The following NIBAN1 variants were observed in gnomAD, a reference collection of about 807,000 sequenced individuals.
The protein encoded by NIBAN1 is protein Niban 1.
A neutral mutation model predicts 75.1 loss-of-function variants in NIBAN1; 81 were observed. That is an observed-to-expected ratio of 1.08 (90% CI 0.90 to 1.30). The LOEUF is 1.30. NIBAN1 is among the 50% of genes most tolerant of loss of function. The probability of loss-of-function intolerance (pLI) is 0.00; values close to 1 mark genes in which losing one functional copy is unlikely to be tolerated. For missense variants in NIBAN1, 1,133 were observed against 1,128.1 expected, an observed-to-expected ratio of 1.00 and a Z score of -0.06; for synonymous variants, 436 against 424.8, an observed-to-expected ratio of 1.03 and a Z score of -0.32.
chr1:184,796,008 G>C lies in NIBAN1; in HGVS notation c.1756C>G (p.Leu586Val). 1.2e-6 allele frequency: 2 copies of C among 1,612,774 alleles called. No homozygotes were observed. The highest frequency in any genetic ancestry group is 1.7e-6 in the Non-Finnish European group (2 of 1,179,958). Residue 586 changes from leucine to valine, a missense_variant, in exon 14 of 14, where the codon CTA becomes GTA. Leu to Val is a conservative substitution (Grantham distance 32). Coordinates refer to ENST00000367511, the MANE Select transcript of NIBAN1 (RefSeq NM_052966.4). The stretch of plus-strand genomic sequence containing the variant: ...TGGTTTGACCCTGTGGGGGGCTTTA[G>C]ATCTGTTAAGCTGGACACACTTTCA... ...PSESVSSLTD[L>V]KPPTGSNQAS...
Position 184,828,399 on chromosome 1 carries a change from C to T in NIBAN1, c.717+3448G>A, listed in dbSNP as rs143379138. Among the ~76,000 whole-genome samples, 606 of 152,290 alleles carry T rather than the reference C, an allele frequency of 4.0e-3. 5 individuals carry two copies. The highest frequency in any genetic ancestry group is 0.014 in the African/African-American group (583 of 41,548). On this transcript the variant is annotated intron_variant, in intron 6 of 13. Transcript: ENST00000367511. ...GACAGGAAGAAAAAATGCAAATAAA[C>T]CCAGCACTTTAAACAAAAGATGTCA... is the stretch of plus-strand genomic sequence containing the variant.
chr1:184,899,912 G>T (rs1656904118), intron 1 of NIBAN1, among the ~76,000 whole-genome samples: 1 of 150,160 alleles, frequency 6.7e-6, no homozygotes, highest in Non-Finnish European at 1.5e-5. Flanking sequence ...CACCTCCCGG[G>T]TTCAAGCGAT....
intron 9 of NIBAN1, among the ~76,000 whole-genome samples, chr1:184,815,787 A>G (rs937212769): frequency 7.9e-5 from 12 of 152,284 alleles, no homozygotes; most frequent in Non-Finnish European, 1.3e-4. Context: ...CTTAATCCGC[A>G]TCATGGATTA....
chr1:184,881,875 A>G (rs907965549), intron 5 of NIBAN1, among the ~76,000 whole-genome samples: 2 of 152,120 alleles, frequency 1.3e-5, no homozygotes, highest in African/African-American at 4.8e-5. Context: ...TGTTTTATTA[A>G]CAAGGTGTTT....
At chr1:184,878,138 A>C (rs1352675934) in intron 5 of NIBAN1, among the ~76,000 whole-genome samples, 1 of 152,198 alleles carries the variant, frequency 6.6e-6, no homozygotes, top group African/African-American at 2.4e-5. Context: ...AGTTCTTGGC[A>C]ACACTGCTTT....
intron 1 of NIBAN1, among the ~76,000 whole-genome samples, chr1:184,972,115 T>C (rs1266544243): frequency 6.6e-6 from 1 of 152,218 alleles, no homozygotes; most frequent in Non-Finnish European, 1.5e-5. Flanking sequence ...CAAAATATAT[T>C]GACTAGCTAC....
intron 8 of NIBAN1, among the ~76,000 whole-genome samples, chr1:184,821,923 GC>G (rs1483814322): frequency 6.6e-6 from 1 of 152,090 alleles, no homozygotes; most frequent in African/African-American, 2.4e-5. Flanking sequence ...CCTCCTCTCA[GC>G]AGGACCTGTG....
chr1:184,926,995 G>T (rs1239210831), intron 1 of NIBAN1, among the ~76,000 whole-genome samples: 1 of 152,062 alleles, frequency 6.6e-6, no homozygotes, highest in Non-Finnish European at 1.5e-5. Flanking sequence ...CAGAATTTCT[G>T]CTTAATTCTT....
intron 5 of NIBAN1, among the ~76,000 whole-genome samples, chr1:184,883,588 A>G (rs556468590): frequency 7.9e-5 from 12 of 152,334 alleles, no homozygotes; most frequent in African/African-American, 2.9e-4. Context: ...CTCTTTTACT[A>G]TTGATGTCAC....
intron 5 of NIBAN1, among the ~76,000 whole-genome samples, chr1:184,856,626 C>T (rs776428542): frequency 1.4e-4 from 22 of 152,138 alleles, no homozygotes; most frequent in Non-Finnish European, 1.5e-5. Flanking sequence ...CACTCACTCC[C>T]CTAACACTGG....
chr1:184,797,956 C>G (rs1424418129), intron 13 of NIBAN1, 123 bp downstream of exon 13: 3 of 506,900 alleles, frequency 5.9e-6, no homozygotes, highest in East Asian at 3.1e-5. Context: ...CACTGTCTGT[C>G]TCCCTCCCTC....
At chr1:184,893,046 A>G (rs1248195624) in intron 3 of NIBAN1, among the ~76,000 whole-genome samples, 1 of 152,208 alleles carries the variant, frequency 6.6e-6, no homozygotes, top group African/African-American at 2.4e-5. Context: ...TGCTGGGATT[A>G]CAGGCATGAG....
chr1:184,942,724 T>C (rs370242210), intron 1 of NIBAN1, among the ~76,000 whole-genome samples: 9 of 147,234 alleles, frequency 6.1e-5, no homozygotes, highest in Admixed American at 2.7e-4. Flanking sequence ...AAGAATCAGG[T>C]TCCTCCTGGA....
At chr1:184,973,831 G>C (rs116319712) in intron 1 of NIBAN1, among the ~76,000 whole-genome samples, 1 of 152,224 alleles carries the variant, frequency 6.6e-6, no homozygotes, top group East Asian at 1.9e-4. Flanking sequence ...GCGAAGCTGC[G>C]GCCAACGCCG....
intron 3 of NIBAN1, among the ~76,000 whole-genome samples, chr1:184,893,346 C>A (rs577368131): frequency 6.6e-6 from 1 of 152,228 alleles, no homozygotes; most frequent in Admixed American, 6.5e-5. Flanking sequence ...AAATTCACTG[C>A]CTGCTATTCT....
At chr1:184,886,779 A>T (rs1308504328) in intron 4 of NIBAN1, among the ~76,000 whole-genome samples, 1 of 152,188 alleles carries the variant, frequency 6.6e-6, no homozygotes, top group African/African-American at 2.4e-5. Context: ...AGCACTGGGA[A>T]TACAAGGAAA....
intron 1 of NIBAN1, among the ~76,000 whole-genome samples, chr1:184,936,619 CA>C (rs1215773556): frequency 1.3e-5 from 2 of 152,296 alleles, no homozygotes; most frequent in African/African-American, 4.8e-5. Context: ...TTGCCTATTC[CA>C]GCTTTGGTAG....
intron 6 of NIBAN1, among the ~76,000 whole-genome samples, chr1:184,826,989 A>G (rs1654858984): frequency 6.6e-6 from 1 of 151,924 alleles, no homozygotes; most frequent in African/African-American, 2.4e-5. Context: ...TTTCCCCCAT[A>G]CTGTTCTAGT....
intron 1 of NIBAN1, among the ~76,000 whole-genome samples, chr1:184,913,584 T>C (rs1175811158): frequency 6.6e-6 from 1 of 152,238 alleles, no homozygotes; most frequent in African/African-American, 2.4e-5. Context: ...ATTGATATTG[T>C]ACTTATAGTT....
Sources: gnomAD v4.1 joint callset for allele counts (sites outside exome capture counted in the v4.1 genomes callset) on GRCh38, gnomAD v4.1.1 for gene constraint, MANE v1.5 for transcripts, NCBI Gene and HGNC (gene_info 2026-07-23, HGNC 2026-07-21) for gene names.